ATAD2B: variants seen among roughly 807,000 people sequenced by gnomAD.
ATAD2B encodes ATPase family AAA domain-containing protein 2B.
A neutral mutation model predicts 167.6 loss-of-function variants in ATAD2B; 40 were observed. That is an observed-to-expected ratio of 0.24 (90% CI 0.19 to 0.31). The LOEUF is 0.31. Ranked by LOEUF, ATAD2B falls within the 10% of genes least tolerant of loss-of-function variation. The pLI is 1.00. For synonymous variants in ATAD2B, 579 were observed against 596.5 expected (o/e 0.97, Z 0.43); for missense variants, 1,242 against 1,757.2 (o/e 0.71, Z 5.24).
chr2:23,892,285 T>G (rs2150334456), intron 2 of ATAD2B, among the ~76,000 whole-genome samples: 1 of 152,268 alleles, frequency 6.6e-6, no homozygotes, highest in Admixed American at 6.5e-5. Flanking sequence ...TGCCTCAGCC[T>G]CCTGAGTAGC....
At chr2:23,887,774 G>GT in intron 4 of ATAD2B, 58 bp downstream of exon 4, 1 of 1,398,732 alleles carries the variant, frequency 7.1e-7, no homozygotes, top group South Asian at 1.6e-5. Context: ...TTTTTAAAAC[G>GT]TAACTGTCTT....
intron 8 of ATAD2B, chr2:23,872,557 G>T: frequency 1.9e-6 from 2 of 1,046,924 alleles, no homozygotes; most frequent in Non-Finnish European, 1.5e-6. Flanking sequence ...TCTCACAGGA[G>T]GGTAGCTGAT....
At chr2:23,734,979 A>G in the ATAD2B span, among the ~76,000 whole-genome samples, 18,196 of 152,256 alleles carry the variant, frequency 0.12, 1,164 homozygotes, top group Middle Eastern at 0.22. Flanking sequence ...GGCAAATGGT[A>G]GGTAGTTACT....
At chr2:23,788,771 G>C (rs1262548547) in intron 19 of ATAD2B, 124 bp from the exon 20 acceptor site, 1 of 822,936 alleles carries the variant, frequency 1.2e-6, no homozygotes, top group Non-Finnish European at 1.8e-6. Context: ...CATTCACATG[G>C]GGTTATAGTT....
intron 22 of ATAD2B, among the ~76,000 whole-genome samples, chr2:23,774,768 C>T (rs1181066852): frequency 2.0e-5 from 3 of 152,048 alleles, no homozygotes; most frequent in African/African-American, 7.2e-5. Context: ...GACATGGTGG[C>T]GCATGCCTAT....
intron 12 of ATAD2B, among the ~76,000 whole-genome samples, chr2:23,859,056 G>A (rs1375957329): frequency 6.6e-6 from 1 of 152,020 alleles, no homozygotes; most frequent in African/African-American, 2.4e-5. Flanking sequence ...ATCCACTGAA[G>A]TATCATTTTA....
At chr2:23,785,105 G>C (rs188044193) in intron 21 of ATAD2B, among the ~76,000 whole-genome samples, 5 of 152,072 alleles carry the variant, frequency 3.3e-5, no homozygotes, top group East Asian at 3.9e-4. Flanking sequence ...GACTTGCCAG[G>C]GGGGAGGAAT....
chr2:23,721,361 G>A, the ATAD2B span, among the ~76,000 whole-genome samples: 36 of 152,284 alleles, frequency 2.4e-4, no homozygotes, highest in African/African-American at 8.7e-4. Flanking sequence ...GATCAGCTAT[G>A]TGCCCATACC....
intron 2 of ATAD2B, among the ~76,000 whole-genome samples, chr2:23,892,524 T>C (rs1443618941): frequency 2.0e-5 from 3 of 150,178 alleles, no homozygotes; most frequent in African/African-American, 7.4e-5. Context: ...CAGGCTAGAG[T>C]GCAGTGGTAC....
At chr2:23,744,753 T>A (rs547033909), downstream of ATAD2B, among the ~76,000 whole-genome samples, 1 of 152,272 alleles carries the variant, frequency 6.6e-6, no homozygotes, top group East Asian at 1.9e-4. Flanking sequence ...AATAAAATAA[T>A]TTAAAACACA....
chr2:23,764,048 A>C (rs1441103444), intron 23 of ATAD2B, among the ~76,000 whole-genome samples: 1 of 152,198 alleles, frequency 6.6e-6, no homozygotes, highest in East Asian at 1.9e-4. Flanking sequence ...GGTTATTATA[A>C]ACAATGCTCC....
intron 1 of ATAD2B, among the ~76,000 whole-genome samples, chr2:23,911,893 C>T (rs1416549536): frequency 6.7e-6 from 1 of 150,270 alleles, no homozygotes; most frequent in East Asian, 2.0e-4. Context: ...GAGAATTGCT[C>T]GAACCTGGGA....
At chr2:23,717,787 C>T in the ATAD2B span, among the ~76,000 whole-genome samples, 5 of 152,080 alleles carry the variant, frequency 3.3e-5, no homozygotes, top group Non-Finnish European at 5.9e-5. Flanking sequence ...ATCTTCAACA[C>T]AAGCAAAAGG....
intron 18 of ATAD2B, among the ~76,000 whole-genome samples, chr2:23,803,034 G>A (rs937535197): frequency 6.6e-6 from 1 of 152,016 alleles, no homozygotes; most frequent in Non-Finnish European, 1.5e-5. Flanking sequence ...AATATAGCAC[G>A]CTTATCAGTC....
the ATAD2B span, chr2:23,708,204 C>T: frequency 6.6e-6 from 1 of 152,202 alleles, no homozygotes; most frequent in Admixed American, 6.5e-5. Context: ...GTGTGGCTCC[C>T]ACTTGGACAA....
chr2:23,735,036 G>A, the ATAD2B span, among the ~76,000 whole-genome samples: 2 of 152,078 alleles, frequency 1.3e-5, no homozygotes, highest in East Asian at 3.8e-4. Context: ...ACATATTACT[G>A]CCAAATTAAT....
chr2:23,754,446 A>T, intron 26 of ATAD2B, 139 bp from the exon 27 acceptor site: 1 of 1,151,606 alleles, frequency 8.7e-7, no homozygotes, highest in Non-Finnish European at 1.2e-6. Context: ...TTGAGGGCTT[A>T]AAATCATTCC....
At chr2:23,883,368 G>A (rs914079245) in intron 6 of ATAD2B, among the ~76,000 whole-genome samples, 6 of 151,158 alleles carry the variant, frequency 4.0e-5, no homozygotes, top group Admixed American at 1.3e-4. Flanking sequence ...TTATCGTTAG[G>A]TTGTAGAGAA....
intron 18 of ATAD2B, among the ~76,000 whole-genome samples, chr2:23,808,068 A>AATATATAAGTAATTATATATATAATTAC (rs1684836266): frequency 4.9e-5 from 3 of 60,952 alleles, no homozygotes; most frequent in Non-Finnish European, 8.6e-5. Flanking sequence ...TATAAATTAT[A>AATATATAAGTAATTATATATATAATTAC]ATATATAAGT....
Sources: gnomAD v4.1 joint callset for allele counts (sites outside exome capture counted in the v4.1 genomes callset) on GRCh38, gnomAD v4.1.1 for gene constraint, MANE v1.5 for transcripts, NCBI Gene and HGNC (gene_info 2026-07-23, HGNC 2026-07-21) for gene names.